The following PDE1A variants were observed in gnomAD, a reference collection of about 807,000 sequenced individuals.
PDE1A encodes dual specificity calcium/calmodulin-dependent 3',5'-cyclic nucleotide phosphodiesterase 1A.
PDE1A carries 35 observed loss-of-function variants against 61.7 expected under a neutral mutation model. That is an observed-to-expected ratio of 0.57 (90% confidence interval 0.43 to 0.75). The LOEUF (loss-of-function observed/expected upper bound fraction) is 0.75, where lower values mean the gene tolerates loss of function less well. Ranked by LOEUF, PDE1A falls within the 30% of genes least tolerant of loss-of-function variation. The pLI is 0.00. For missense variants in PDE1A, 597 were observed against 630.6 expected, an observed-to-expected ratio of 0.95 and a Z score of 0.57; for synonymous variants, 232 against 213.2, an observed-to-expected ratio of 1.09 and a Z score of -0.77.
At chr2:182,687,645 G>T in the PDE1A span, among the ~76,000 whole-genome samples, 1 of 152,204 alleles carries the variant, frequency 6.6e-6, no homozygotes. Flanking sequence ...CCAAAGGAAC[G>T]CAGCTCCTCA....
At chr2:182,169,774 C>G (rs993287352) in intron 13 of PDE1A, among the ~76,000 whole-genome samples, 4 of 152,056 alleles carry the variant, frequency 2.6e-5, no homozygotes, top group Non-Finnish European at 5.9e-5. Context: ...AGTCCTGCCC[C>G]TCTTGGGAAA....
chr2:182,416,242 A>C (rs959514601), intron 1 of PDE1A, among the ~76,000 whole-genome samples: 9 of 152,198 alleles, frequency 5.9e-5, no homozygotes, highest in Admixed American at 1.3e-4. Flanking sequence ...TTAACTGTCT[A>C]TTTCTCACTA....
At chr2:182,160,796 A>G (rs1027956069) in intron 13 of PDE1A, among the ~76,000 whole-genome samples, 1 of 151,978 alleles carries the variant, frequency 6.6e-6, no homozygotes, top group Non-Finnish European at 1.5e-5. Flanking sequence ...TGTATATTCT[A>G]TTGGTTCTGT....
At chr2:182,422,908 T>G (rs1342711619) in intron 1 of PDE1A, among the ~76,000 whole-genome samples, 1 of 152,216 alleles carries the variant, frequency 6.6e-6, no homozygotes, top group Non-Finnish European at 1.5e-5. Context: ...TGAAAATATA[T>G]TAATATAGTT....
In PDE1A at chr2:182,491,000, A is replaced by G. The variant is rs112488432; in HGVS notation, c.101+31276T>C. 3.3e-3 allele frequency among the ~76,000 whole-genome samples: 508 copies of G among 152,278 alleles called. 2 individuals are homozygous for G. Among genetic ancestry groups the G allele is most frequent in the African/African-American group, 0.012 (481 of 41,558 alleles). On this transcript the variant is annotated intron_variant, in intron 2 of 14. Transcript: ENST00000410103. ...GGAAGCATCTGAGGTTTGAGGAGGCAGGAAAAGGCTTAAAATAATCATTCA... is the reference window on the plus strand; with the variant it reads ...GGAAGCATCTGAGGTTTGAGGAGGCGGGAAAAGGCTTAAAATAATCATTCA...
the PDE1A span, among the ~76,000 whole-genome samples, chr2:182,555,965 C>CAAAAAAAAAAA: frequency 3.5e-4 from 17 of 48,434 alleles, 1 homozygote; most frequent in African/African-American, 1.5e-3. Flanking sequence ...AACTCCATCT[C>CAAAAAAAAAAA]AAAAAAAAAA....
downstream of PDE1A, among the ~76,000 whole-genome samples, chr2:182,165,664 C>A (rs1276550445): frequency 6.6e-6 from 1 of 152,112 alleles, no homozygotes; most frequent in East Asian, 1.9e-4. Context: ...AGAACCATGA[C>A]CAGCTGAGGT....
the PDE1A span, among the ~76,000 whole-genome samples, chr2:182,672,875 T>C: frequency 6.6e-6 from 1 of 152,244 alleles, no homozygotes; most frequent in Non-Finnish European, 1.5e-5. Flanking sequence ...GTAATAAGAA[T>C]TTTGTGGCTC....
the PDE1A span, among the ~76,000 whole-genome samples, chr2:182,567,298 T>C: frequency 6.6e-6 from 1 of 152,210 alleles, no homozygotes; most frequent in East Asian, 1.9e-4. Flanking sequence ...TTGTGTTTGA[T>C]ATCTCTCCCA....
the PDE1A span, among the ~76,000 whole-genome samples, chr2:182,590,242 G>T: frequency 6.6e-6 from 1 of 152,096 alleles, no homozygotes; most frequent in Non-Finnish European, 1.5e-5. Context: ...GAGGCAGAGG[G>T]GACTGCTTGA....
intron 13 of PDE1A, among the ~76,000 whole-genome samples, chr2:182,154,309 A>G (rs907574559): frequency 6.6e-6 from 1 of 152,184 alleles, no homozygotes; most frequent in Non-Finnish European, 1.5e-5. Flanking sequence ...AAAACAAAAA[A>G]TCCTGAGGTG....
At chr2:182,560,265 C>A in the PDE1A span, among the ~76,000 whole-genome samples, 4 of 140,876 alleles carry the variant, frequency 2.8e-5, no homozygotes, top group Admixed American at 7.4e-5. Flanking sequence ...TTCCTGTGTC[C>A]GTGTGTTCTC....
intron 1 of PDE1A, among the ~76,000 whole-genome samples, chr2:182,424,033 C>T (rs1703450058): frequency 6.6e-6 from 1 of 151,604 alleles, no homozygotes; most frequent in South Asian, 2.1e-4. Flanking sequence ...CGACCTCCGC[C>T]TCCAGAGCTC....
At chr2:182,500,840 T>C (rs1689043623) in intron 2 of PDE1A, among the ~76,000 whole-genome samples, 1 of 152,174 alleles carries the variant, frequency 6.6e-6, no homozygotes, top group Non-Finnish European at 1.5e-5. Flanking sequence ...ACACTAATTG[T>C]GACAAAAATC....
chr2:182,153,447 CA>C (rs1390674328), intron 13 of PDE1A, among the ~76,000 whole-genome samples: 2 of 152,196 alleles, frequency 1.3e-5, no homozygotes, highest in Non-Finnish European at 1.5e-5. Flanking sequence ...AGCTCCTACC[CA>C]CTGGTTGAAG....
intron 1 of PDE1A, among the ~76,000 whole-genome samples, chr2:182,317,826 G>A (rs1421187853): frequency 2.0e-5 from 3 of 152,052 alleles, no homozygotes; most frequent in African/African-American, 4.8e-5. Flanking sequence ...GAAAGAGAAG[G>A]TGAGCAAGAG....
intron 13 of PDE1A, among the ~76,000 whole-genome samples, chr2:182,176,801 A>T (rs1038702104): frequency 6.6e-6 from 1 of 150,968 alleles, no homozygotes; most frequent in African/African-American, 2.4e-5. Context: ...TTGCCCATTC[A>T]GTGTGATATT....
the PDE1A span, among the ~76,000 whole-genome samples, chr2:182,635,950 T>A: frequency 1.5e-5 from 1 of 68,792 alleles, no homozygotes; most frequent in Non-Finnish European, 3.4e-5. Context: ...CACCGGTATT[T>A]TTTTTTTTTT....
chr2:182,191,842 C>A (rs1685716425), intron 10 of PDE1A, among the ~76,000 whole-genome samples: 1 of 119,902 alleles, frequency 8.3e-6, no homozygotes, highest in South Asian at 2.8e-4. Context: ...TGATGATTTA[C>A]TTTCTTTTTT....
Sources: allele counts gnomAD v4.1 joint callset (sites outside exome capture counted in the v4.1 genomes callset), GRCh38; gene constraint gnomAD v4.1.1; transcripts MANE v1.5; gene names NCBI Gene and HGNC (gene_info 2026-07-23, HGNC 2026-07-21).